Variants in LYPD6 observed in about 807,000 individuals in gnomAD.
LYPD6 encodes LY6/PLAUR domain containing 6, also known as ly6/PLAUR domain-containing protein 6.
In LYPD6, 15 loss-of-function variants were observed where a neutral mutation model predicts 22.7. The ratio of observed to expected loss-of-function variants is 0.66; its 90% CI spans 0.44 to 1.02. The LOEUF (loss-of-function observed/expected upper bound fraction) is 1.02, where lower values mean the gene tolerates loss of function less well. Ranked by LOEUF, LYPD6 falls within the 50% of genes least tolerant of loss-of-function variation. LYPD6 has a pLI of 0.00. For synonymous variants in LYPD6, 72 were observed against 77.5 expected (o/e 0.93, Z 0.37); for missense variants, 189 against 208.4 (o/e 0.91, Z 0.57).
At chr2:149,386,010 A>C (rs1682176552) in intron 1 of LYPD6, among the ~76,000 whole-genome samples, 3 of 151,990 alleles carry the variant, frequency 2.0e-5, no homozygotes, top group African/African-American at 7.3e-5. Flanking sequence ...ATCCCCCCCC[A>C]AGACCTGTAA....
chr2:149,407,782 G>C (rs1401576784), intron 1 of LYPD6, among the ~76,000 whole-genome samples: 1 of 152,196 alleles, frequency 6.6e-6, no homozygotes, highest in Admixed American at 6.5e-5. Context: ...GTGAGGAACT[G>C]CATTCCTTTG....
intron 3 of LYPD6, among the ~76,000 whole-genome samples, chr2:149,459,464 T>C (rs140101771): frequency 2.0e-5 from 3 of 152,314 alleles, no homozygotes; most frequent in Non-Finnish European, 4.4e-5. Context: ...AAGAAAAAAC[T>C]TAGTAAACGT....
chr2:149,340,003 A>G (rs1293225802), intron 1 of LYPD6, among the ~76,000 whole-genome samples: 1 of 152,160 alleles, frequency 6.6e-6, no homozygotes, highest in Non-Finnish European at 1.5e-5. Flanking sequence ...TCAGCCATAG[A>G]TAAAGGAATT....
intron 1 of LYPD6, among the ~76,000 whole-genome samples, chr2:149,374,439 C>T (rs1229620112): frequency 1.3e-5 from 2 of 152,216 alleles, no homozygotes; most frequent in South Asian, 2.1e-4. Context: ...AGCCCTGGAT[C>T]CTGGTGCTCC....
intron 1 of LYPD6, among the ~76,000 whole-genome samples, chr2:149,351,691 T>A (rs1232245854): frequency 6.6e-6 from 1 of 152,176 alleles, no homozygotes; most frequent in Non-Finnish European, 1.5e-5. Context: ...GGAAGGGGGT[T>A]ATTAAAGAAA....
intron 1 of LYPD6, among the ~76,000 whole-genome samples, chr2:149,385,290 A>AT (rs1427893577): frequency 6.6e-6 from 1 of 152,088 alleles, no homozygotes; most frequent in African/African-American, 2.4e-5. Flanking sequence ...GAAATCCTCT[A>AT]TTTAACATGT....
At chr2:149,369,539 T>A (rs753003587) in intron 1 of LYPD6, among the ~76,000 whole-genome samples, 10 of 152,164 alleles carry the variant, frequency 6.6e-5, no homozygotes, top group South Asian at 2.1e-4. Flanking sequence ...GCCCATGGTG[T>A]CATGCAATAC....
chr2:149,354,044 A>G (rs1447494411), intron 1 of LYPD6, among the ~76,000 whole-genome samples: 1 of 152,198 alleles, frequency 6.6e-6, no homozygotes, highest in East Asian at 1.9e-4. Context: ...TGTCAGAAAG[A>G]TACAAACAGA....
At chr2:149,452,013 C>G (rs1370752691) in intron 3 of LYPD6, among the ~76,000 whole-genome samples, 2 of 152,158 alleles carry the variant, frequency 1.3e-5, no homozygotes, top group Non-Finnish European at 2.9e-5. Flanking sequence ...AGGTAGCCAG[C>G]AAAAGCATCA....
At chr2:149,393,299 G>A (rs184633141) in intron 1 of LYPD6, among the ~76,000 whole-genome samples, 114 of 152,202 alleles carry the variant, frequency 7.5e-4, no homozygotes, top group African/African-American at 2.7e-3. Flanking sequence ...GCTCGAAGAG[G>A]GTCCATTTAA....
chr2:149,469,769 G>A (rs1412500172), intron 4 of LYPD6, among the ~76,000 whole-genome samples: 1 of 152,030 alleles, frequency 6.6e-6, no homozygotes, highest in Non-Finnish European at 1.5e-5. Context: ...AGAGAAATTG[G>A]GTCATATGCT....
At chr2:149,355,892 A>C (rs185251671) in intron 1 of LYPD6, among the ~76,000 whole-genome samples, 6 of 151,966 alleles carry the variant, frequency 3.9e-5, no homozygotes, top group Admixed American at 2.6e-4. Flanking sequence ...CTCTCTGTGG[A>C]CTCTGTGAGG....
intron 1 of LYPD6, among the ~76,000 whole-genome samples, chr2:149,387,288 A>T (rs1250258698): frequency 6.6e-6 from 1 of 152,228 alleles, no homozygotes; most frequent in Non-Finnish European, 1.5e-5. Flanking sequence ...AAAATGTTTT[A>T]GTACTTCTAG....
At chr2:149,451,925 A>C (rs979926662) in intron 3 of LYPD6, among the ~76,000 whole-genome samples, 8 of 152,188 alleles carry the variant, frequency 5.3e-5, no homozygotes, top group African/African-American at 1.9e-4. Context: ...CAAAATTAGC[A>C]GGACAAAGGT....
the LYPD6 span, among the ~76,000 whole-genome samples, chr2:149,483,393 T>C: frequency 2.0e-5 from 3 of 152,216 alleles, no homozygotes; most frequent in African/African-American, 7.2e-5. Flanking sequence ...TCTGGGACTG[T>C]GCTAAGAAGG....
At chr2:149,377,062 A>G (rs1037600427) in intron 1 of LYPD6, among the ~76,000 whole-genome samples, 2 of 152,240 alleles carry the variant, frequency 1.3e-5, no homozygotes, top group African/African-American at 2.4e-5. Flanking sequence ...ATAGGGCTCC[A>G]CTGTCTTAAC....
intron 1 of LYPD6, among the ~76,000 whole-genome samples, chr2:149,355,799 C>G (rs1333805001): frequency 6.6e-6 from 1 of 152,078 alleles, no homozygotes; most frequent in Non-Finnish European, 1.5e-5. Flanking sequence ...TGTTTGTAAG[C>G]AGCAAATACC....
chr2:149,354,664 G>A (rs7594729), intron 1 of LYPD6, among the ~76,000 whole-genome samples: 3,505 of 152,210 alleles, frequency 0.023, 100 homozygotes, highest in African/African-American at 0.077. Flanking sequence ...ACCATGAGAC[G>A]AGTCCATCAA....
At chr2:149,427,971 G>GGGCT (rs1478680569) in intron 1 of LYPD6, among the ~76,000 whole-genome samples, 2 of 152,166 alleles carry the variant, frequency 1.3e-5, no homozygotes, top group Non-Finnish European at 2.9e-5. Context: ...CCTTGCCAAG[G>GGGCT]GGCTCCAGAA....
Sources: gnomAD v4.1 joint callset for allele counts (sites outside exome capture counted in the v4.1 genomes callset) on GRCh38, gnomAD v4.1.1 for gene constraint, MANE v1.5 for transcripts, NCBI Gene and HGNC (gene_info 2026-07-23, HGNC 2026-07-21) for gene names.